Variants in YARS1 observed in about 807,000 individuals in gnomAD.
The protein encoded by YARS1 is tyrosyl-tRNA synthetase 1.
A neutral mutation model predicts 62.2 loss-of-function variants in YARS1; 36 were observed. The observed-to-expected ratio is 0.58, with a 90% CI of 0.44 to 0.76. The LOEUF is 0.76. Ranked by LOEUF, YARS1 falls within the 30% of genes least tolerant of loss-of-function variation. The pLI is 0.00. For missense variants in YARS1, 524 were observed against 639.8 expected (o/e 0.82, Z 1.95); for synonymous variants, 234 against 244.9 (o/e 0.96, Z 0.42).
intron 4 of YARS1, among the ~76,000 whole-genome samples, chr1:32,804,359 G>A (rs1348407912): frequency 6.6e-6 from 1 of 150,726 alleles, no homozygotes; most frequent in Non-Finnish European, 1.5e-5. Context: ...GGGGTGGCTG[G>A]CCGGGCGGGG....
At position 32,797,787 on chromosome 1, in the gene YARS1, T is replaced by C. The variant is rs758248282; in HGVS notation, c.567A>G (p.Arg189=). 15 of 1,614,166 alleles carry C rather than the reference T, an allele frequency of 9.3e-6. 2 individuals are homozygous for C. In the South Asian group the frequency reaches 1.5e-4, roughly 17 times the overall value. Residue 189 remains arginine, a synonymous_variant, in exon 5 of 13, where the codon AGA becomes AGG. Coordinates refer to ENST00000373477, the MANE Select transcript of YARS1 (RefSeq NM_003680.4). ...VDAQFGGIDQ[R]KIFTFAEKYL... The stretch of plus-strand genomic sequence containing the variant: ...CCTTCTCTGCAAAGGTGAAAATCTT[T>C]CTCTGATCAATGCCTCCAAATTGGG...
chr1:32,796,963 C>A (rs1157958764), intron 5 of YARS1, among the ~76,000 whole-genome samples: 1 of 7,584 alleles, frequency 1.3e-4, no homozygotes, highest in African/African-American at 4.5e-4. Context: ...GAAACTCAGT[C>A]TCAAAAAAAA....
intron 12 of YARS1, 141 bp downstream of exon 12, chr1:32,779,241 G>T: frequency 1.4e-6 from 2 of 1,389,446 alleles, no homozygotes; most frequent in Non-Finnish European, 2.0e-6. Context: ...ATTCAAAAAG[G>T]TCTGGAAAGA....
chr1:32,800,827 C>A (rs1003639806), intron 4 of YARS1, among the ~76,000 whole-genome samples: 4 of 152,150 alleles, frequency 2.6e-5, no homozygotes, highest in African/African-American at 9.7e-5. Context: ...CCCGTTTTGG[C>A]CTCCCAAAGT....
At chr1:32,798,792 G>C (rs530394592) in intron 4 of YARS1, among the ~76,000 whole-genome samples, 4 of 152,130 alleles carry the variant, frequency 2.6e-5, no homozygotes, top group African/African-American at 4.8e-5. Context: ...CACTGCACCC[G>C]AGCCTGGGAG....
chr1:32,783,911 A>G (rs1433414900), intron 8 of YARS1, among the ~76,000 whole-genome samples: 1 of 152,192 alleles, frequency 6.6e-6, no homozygotes, highest in Non-Finnish European at 1.5e-5. Flanking sequence ...GGCAGTACAG[A>G]TAGGACATAT....
chr1:32,804,459 G>T (rs1486650632), intron 4 of YARS1, among the ~76,000 whole-genome samples: 1 of 150,880 alleles, frequency 6.6e-6, no homozygotes, highest in Admixed American at 6.6e-5. Flanking sequence ...GGGCGGAGAC[G>T]CTCCTCACTT....
intron 11 of YARS1, 153 bp downstream of exon 11, chr1:32,779,932 T>C (rs1358087635): frequency 2.3e-6 from 2 of 852,560 alleles, no homozygotes; most frequent in East Asian, 2.5e-5. Flanking sequence ...ACTTGTACGA[T>C]AAGTCCTTCA....
chr1:32,780,518 G>A (rs1653018212), intron 10 of YARS1: 1 of 564,238 alleles, frequency 1.8e-6, no homozygotes, highest in Non-Finnish European at 3.2e-6. Context: ...GTGTTAAGAG[G>A]TGGAAGGATC....
chr1:32,811,232 T>C (rs1638577978), intron 1 of YARS1, 175 bp from the exon 2 acceptor site: 1 of 1,004,756 alleles, frequency 1.0e-6, no homozygotes, highest in Admixed American at 1.8e-5. Context: ...TTAATCTGAA[T>C]TGACTCTCCC....
intron 5 of YARS1, among the ~76,000 whole-genome samples, chr1:32,795,978 T>TA (rs1653569218): frequency 6.6e-6 from 1 of 151,972 alleles, no homozygotes; most frequent in African/African-American, 2.4e-5. Flanking sequence ...GAGGTCCAAC[T>TA]AAAAAGTTAA....
At chr1:32,787,883 G>A (rs759474289) in intron 6 of YARS1, among the ~76,000 whole-genome samples, 29 of 152,182 alleles carry the variant, frequency 1.9e-4, no homozygotes, top group Non-Finnish European at 3.2e-4. Context: ...TTGGGAGGCT[G>A]GAGAGTCGCT....
intron 4 of YARS1, among the ~76,000 whole-genome samples, chr1:32,799,088 C>T (rs1327305944): frequency 6.6e-6 from 1 of 152,180 alleles, no homozygotes; most frequent in Non-Finnish European, 1.5e-5. Flanking sequence ...GTGGAGAAGT[C>T]TTCCTAGAAT....
intron 4 of YARS1, among the ~76,000 whole-genome samples, chr1:32,799,205 T>A (rs558591752): frequency 6.6e-6 from 1 of 152,154 alleles, no homozygotes; most frequent in Non-Finnish European, 1.5e-5. Flanking sequence ...TAGGGAAATT[T>A]TGAGTGATTC....
At chr1:32,817,004 G>A (rs944421545) in intron 1 of YARS1, 184 bp downstream of exon 1, 4 of 734,392 alleles carry the variant, frequency 5.4e-6, no homozygotes, top group East Asian at 2.7e-5. Flanking sequence ...GTGATTTCTG[G>A]GGAACCCAGG....
intron 6 of YARS1, chr1:32,790,938 AT>A (rs1267547038): frequency 5.5e-6 from 3 of 544,298 alleles, no homozygotes; most frequent in Non-Finnish European, 9.9e-6. Flanking sequence ...TTTTGCTTTT[AT>A]TTTTTTATCA....
In YARS1 at chr1:32,776,931, C is replaced by T. The variant is rs1652881825; in HGVS notation, c.1477-840G>A. On this transcript the variant is annotated intron_variant, in intron 12 of 12. Coordinates refer to ENST00000373477, the MANE Select transcript of YARS1 (RefSeq NM_003680.4). The surrounding 1 kb of genome is among the most constrained non-coding windows in gnomAD (Gnocchi z 4.0). ...GTGGCGGGCCGAGATCACGCCACCACACTCCAGCCTGGGTGACAGAGTGAG... is the reference window on the plus strand; with the variant it reads ...GTGGCGGGCCGAGATCACGCCACCATACTCCAGCCTGGGTGACAGAGTGAG... Among the ~76,000 whole-genome samples, 1 of 151,782 alleles carries T rather than the reference C, an allele frequency of 6.6e-6. No homozygotes were observed. The highest frequency in any genetic ancestry group is 1.5e-5 in the Non-Finnish European group (1 of 67,990).
chr1:32,794,216 G>A lies in YARS1; in HGVS notation c.592-2962C>T, dbSNP rs150854607. Among the ~76,000 whole-genome samples, 1,157 of 152,098 alleles carry A rather than the reference G, an allele frequency of 7.6e-3. 13 individuals are homozygous for A. Among genetic ancestry groups the A allele is most frequent in the African/African-American group, 0.026 (1,076 of 41,480 alleles). The stretch of plus-strand genomic sequence containing the variant: ...AATACAAAAATTAGCCGGGCGTGGT[G>A]GCGGGCACCTGTAATCCCAGCTACT... On this transcript the variant is annotated intron_variant, in intron 5 of 12. Transcript: ENST00000373477.
At chr1:32,807,355 T>A (rs1638487179) in intron 3 of YARS1, among the ~76,000 whole-genome samples, 1 of 152,138 alleles carries the variant, frequency 6.6e-6, no homozygotes, top group Non-Finnish European at 1.5e-5. Context: ...CAAACCTGGG[T>A]CCAGTTACAT....
Sources: allele counts gnomAD v4.1 joint callset (sites outside exome capture counted in the v4.1 genomes callset), GRCh38; gene constraint gnomAD v4.1.1; non-coding constraint Gnocchi (gnomAD v3.1); transcripts MANE v1.5; gene names NCBI Gene and HGNC (gene_info 2026-07-23, HGNC 2026-07-21).